The following WNK2 variants were observed in gnomAD, a reference collection of about 807,000 sequenced individuals.
WNK2 encodes the protein WNK lysine deficient protein kinase 2.
A neutral mutation model predicts 192.1 loss-of-function variants in WNK2; 67 were observed. That is an observed-to-expected ratio of 0.35 (90% CI 0.29 to 0.43). WNK2 has a LOEUF of 0.43. Ranked by LOEUF, WNK2 falls within the 20% of genes least tolerant of loss-of-function variation. The pLI is 1.00. For synonymous variants in WNK2, 1,439 were observed against 1,393.9 expected, an observed-to-expected ratio of 1.03 and a Z score of -0.72; for missense variants, 2,698 against 3,089.7, an observed-to-expected ratio of 0.87 and a Z score of 3.01.
chr9:93,289,668 G>T, intron 20 of WNK2, 48 bp downstream of exon 20: 1 of 1,422,966 alleles, frequency 7.0e-7, no homozygotes, highest in South Asian at 1.5e-5. Flanking sequence ...TCAGGGGCCG[G>T]AGCCCGGGCG....
At chr9:93,266,051 C>G (rs1446597129) in intron 16 of WNK2, among the ~76,000 whole-genome samples, 1 of 152,214 alleles carries the variant, frequency 6.6e-6, no homozygotes, top group East Asian at 1.9e-4. Context: ...AAGCATGCTA[C>G]AGATATACAA....
chr9:93,289,617 C>T lies in WNK2; in HGVS notation c.4863C>T (p.Pro1621=), dbSNP rs1479173744. The T allele has an allele frequency of 2.7e-6, 4 of 1,469,550 alleles. No individual in the cohort carries two copies. Among genetic ancestry groups the T allele is most frequent in the Admixed American group, 2.4e-5 (1 of 40,956 alleles). 91.0% of individuals were successfully genotyped at this position (1,469,550 alleles called of 1,614,324 possible). A position where few individuals can be genotyped will look rare whatever the true frequency, so the allele number is the denominator to read the frequency against. ...CAGGGCGTGTCCAGCTGCCCCAGCC[C>T]TTGGTGAGTAGCTGCCTTGTCCCAG... is the stretch of plus-strand genomic sequence containing the variant. ...AVSGRVQLPQ[P]LVEKSELAPT... Residue 1621 remains proline (P), a synonymous_variant, in exon 20 of 30, where the codon CCC becomes CCT. Transcript: ENST00000427277.
intron 24 of WNK2, among the ~76,000 whole-genome samples, chr9:93,298,461 G>GGGGAGGAC (rs1790410416): frequency 6.6e-6 from 1 of 152,198 alleles, no homozygotes; most frequent in African/African-American, 2.4e-5. Flanking sequence ...TTAGGGGCTG[G>GGGGAGGAC]GGGAGGACGG....
chr9:93,209,846 G>A (rs1834165988), intron 2 of WNK2, among the ~76,000 whole-genome samples: 1 of 152,216 alleles, frequency 6.6e-6, no homozygotes, highest in Non-Finnish European at 1.5e-5. Context: ...CCTCCAGGAA[G>A]CGAGTGGGGC....
At chr9:93,298,435 A>C (rs1851001620) in intron 24 of WNK2, among the ~76,000 whole-genome samples, 1 of 152,198 alleles carries the variant, frequency 6.6e-6, no homozygotes. Context: ...GGTGTGTGCC[A>C]GCCGAGCAGC....
Position 93,268,709 on chromosome 9 carries a change from A to G in WNK2, c.3996A>G (p.Pro1332=), listed in dbSNP as rs1327236065. 6.2e-7 allele frequency: 1 copy of G among 1,612,374 alleles called. No individual in the cohort carries two copies. The highest frequency in any genetic ancestry group is 1.7e-5 in the Admixed American group (1 of 59,924). ...CCGAGGCCCCTGAATCTTCGCCCCC[A>G]CTTCCTCTAAGCTCCCTGCCGCCAG... ...PAPEAPESSP[P]LPLSSLPPEA... The change falls in exon 19 of 30, where the codon CCA becomes CCG. Residue 1332 remains proline (P), a synonymous_variant. Coordinates refer to ENST00000427277, the MANE Select transcript of WNK2 (RefSeq NM_006648.4).
At chr9:93,296,622 A>C (rs1283803161) in intron 23 of WNK2, among the ~76,000 whole-genome samples, 22 of 30,646 alleles carry the variant, frequency 7.2e-4, no homozygotes, top group South Asian at 1.4e-3. Context: ...TCCTCCCCTC[A>C]CCTTCCTTCC....
Position 93,256,980 on chromosome 9 carries a change from G to T in WNK2, c.2223G>T (p.Pro741=). The T allele has an allele frequency of 1.9e-6, 3 of 1,589,714 alleles. No homozygotes were observed. The highest frequency in any genetic ancestry group is 2.6e-6 in the Non-Finnish European group (3 of 1,172,902). The part of the protein sequence containing the change: ...PPPLAQPTPL[P]QVLAPQPVVP... Reference sequence around the variant, plus strand: ...CGCTGGCCCAGCCGACACCCCTGCCGCAGGTCCTGGCCCCACAGCCCGTGG... The same window carrying T: ...CGCTGGCCCAGCCGACACCCCTGCCTCAGGTCCTGGCCCCACAGCCCGTGG... Residue 741 remains proline, a synonymous_variant, in exon 11 of 30, where the codon CCG becomes CCT. Coordinates refer to ENST00000427277, the MANE Select transcript of WNK2 (RefSeq NM_006648.4).
At position 93,206,024 on chromosome 9, in the gene WNK2, G is replaced by A. The variant is rs75802940; in HGVS notation, c.681+20414G>A. Among the ~76,000 whole-genome samples the A allele has an allele frequency of 8.3e-3, 1,263 of 152,262 alleles. 24 individuals are homozygous for A. The highest frequency in any genetic ancestry group is 0.052 in the East Asian group (266 of 5,148). ...GAGTGCTGGCTGTAGCCTAGACCCC[G>A]TGCGGAGCCTCGGGGCACAATTTTA... On this transcript the variant is annotated intron_variant, in intron 2 of 29. Transcript: ENST00000427277.
chr9:93,277,896 C>T (rs1847179008), intron 19 of WNK2, among the ~76,000 whole-genome samples: 1 of 152,056 alleles, frequency 6.6e-6, no homozygotes, highest in African/African-American at 2.4e-5. Context: ...GATAATGAGA[C>T]AGAAATAAGA....
At chr9:93,244,804 C>T (rs1014772357) in intron 7 of WNK2, among the ~76,000 whole-genome samples, 2 of 152,214 alleles carry the variant, frequency 1.3e-5, no homozygotes, top group African/African-American at 4.8e-5. Flanking sequence ...CTGTGAGACC[C>T]CCTAGGGTTG....
chr9:93,272,018 T>C (rs1846067819), intron 19 of WNK2, among the ~76,000 whole-genome samples: 1 of 152,256 alleles, frequency 6.6e-6, no homozygotes, highest in Non-Finnish European at 1.5e-5. Context: ...GAATTCTGTT[T>C]CCAGGGAAAA....
At chr9:93,202,838 C>A (rs1193111835) in intron 2 of WNK2, among the ~76,000 whole-genome samples, 1 of 152,156 alleles carries the variant, frequency 6.6e-6, no homozygotes, top group Non-Finnish European at 1.5e-5. Context: ...TTGCTGGACA[C>A]TTCTGGCTGG....
rs1343043255 is a variant in WNK2, at chr9:93,256,282, C to A, written c.2035-17C>A. 2.0e-6 allele frequency: 3 copies of A among 1,525,770 alleles called. No individual in the cohort carries two copies. The highest frequency in any genetic ancestry group is 2.0e-4 in the Middle Eastern group (1 of 4,980). 94.5% of individuals were successfully genotyped at this position (1,525,770 alleles called of 1,614,324 possible). ...GCCGAGAGCTGCTGCTGAGTGTGGC[C>A]CTGGTGCTCTCTGCAGCCTGGCTTG... On this transcript the variant is annotated splice_polypyrimidine_tract_variant and intron_variant, in intron 9 of 29. Transcript: ENST00000427277.
intron 2 of WNK2, among the ~76,000 whole-genome samples, chr9:93,202,458 G>A (rs1036335326): frequency 2.6e-5 from 4 of 152,132 alleles, no homozygotes; most frequent in African/African-American, 9.7e-5. Flanking sequence ...ACCTCACCGA[G>A]GGGCCACCTG....
At chr9:93,184,680 A>T (rs946169147) in intron 1 of WNK2, among the ~76,000 whole-genome samples, 1 of 151,560 alleles carries the variant, frequency 6.6e-6, no homozygotes, top group African/African-American at 2.4e-5. Flanking sequence ...GGTTCCAGGG[A>T]CACCACAGGC....
chr9:93,262,704 C>T lies in WNK2; in HGVS notation c.3395C>T (p.Pro1132Leu), dbSNP rs371124872. 16 of 1,612,282 alleles carry T rather than the reference C, an allele frequency of 9.9e-6. No homozygotes were observed. The highest frequency in any genetic ancestry group is 9.3e-5 in the African/African-American group (7 of 74,950). The change falls in exon 14 of 30, where the codon CCG becomes CTG. Residue 1132 changes from proline (P) to leucine (L), a missense_variant. Physicochemically the swap from Pro to Leu is moderately conservative, Grantham distance 98 (BLOSUM62 -3). This residue lies in a region of WNK2 where 893 missense variants were observed against 909.0 expected (regional missense o/e 0.98). Transcript: ENST00000427277. ...TCACAGGACAAGCCGCCCGGCCTCC[C>T]GCAGAGCTGTGAGAGGTAGTGTGGC... ...QASQDKPPGLPQSCESYGGSD... is the reference protein window; with the variant it reads ...QASQDKPPGLLQSCESYGGSD...
At chr9:93,300,292 G>A in intron 26 of WNK2, 143 bp downstream of exon 26, 2 of 670,444 alleles carry the variant, frequency 3.0e-6, no homozygotes, top group Non-Finnish European at 5.0e-6. Context: ...TATCAAAGTG[G>A]AACCCCATGA....
chr9:93,207,991 C>G (rs1393197424), intron 2 of WNK2, among the ~76,000 whole-genome samples: 1 of 152,222 alleles, frequency 6.6e-6, no homozygotes, highest in African/African-American at 2.4e-5. Flanking sequence ...CCTCCTTGTC[C>G]AGGGGCTTTG....
Sources: allele counts gnomAD v4.1 joint callset (sites outside exome capture counted in the v4.1 genomes callset), GRCh38; gene constraint gnomAD v4.1.1; regional missense constraint gnomAD v4.1.1; transcripts MANE v1.5; gene names NCBI Gene and HGNC (gene_info 2026-07-23, HGNC 2026-07-21).